The following EYA2 variants were observed in gnomAD, a reference collection of about 807,000 sequenced individuals.
EYA2 encodes protein phosphatase EYA2.
EYA2 carries 31 observed loss-of-function variants against 69.2 expected under a neutral mutation model. That is an observed-to-expected ratio of 0.45 (90% CI 0.34 to 0.60). The LOEUF (loss-of-function observed/expected upper bound fraction) is 0.60, where lower values mean the gene tolerates loss of function less well. Among genes scored for constraint, EYA2 ranks in the 20% least tolerant of loss-of-function variants. The probability of loss-of-function intolerance (pLI) is 0.02; values close to 1 mark genes in which losing one functional copy is unlikely to be tolerated. For missense variants in EYA2, 622 were observed against 701.2 expected, an observed-to-expected ratio of 0.89 and a Z score of 1.28; for synonymous variants, 257 against 279.4, an observed-to-expected ratio of 0.92 and a Z score of 0.80.
At chr20:47,122,534 G>A (rs2033081678) in intron 9 of EYA2, among the ~76,000 whole-genome samples, 2 of 151,776 alleles carry the variant, frequency 1.3e-5, no homozygotes, top group African/African-American at 2.4e-5. Flanking sequence ...TCCTGACCTC[G>A]TGATCCACCT....
chr20:46,929,828 T>TAA (rs543248056), intron 1 of EYA2, among the ~76,000 whole-genome samples: 4 of 145,646 alleles, frequency 2.7e-5, no homozygotes, highest in African/African-American at 7.5e-5. Context: ...CACTGTCTCT[T>TAA]AAAAAAAAAA....
chr20:47,142,527 G>T (rs2033618114), intron 9 of EYA2, among the ~76,000 whole-genome samples: 1 of 152,206 alleles, frequency 6.6e-6, no homozygotes, highest in South Asian at 2.1e-4. Context: ...TTGTGTTTGT[G>T]TGTTTTTATC....
chr20:47,078,314 CACGT>C (rs2031588075), intron 7 of EYA2, among the ~76,000 whole-genome samples: 1 of 123,312 alleles, frequency 8.1e-6, no homozygotes, highest in South Asian at 2.8e-4. Flanking sequence ...TGCACATGTG[CACGT>C]GCGCGCGCGC....
intron 9 of EYA2, among the ~76,000 whole-genome samples, chr20:47,135,487 A>G (rs1039044034): frequency 6.6e-6 from 1 of 151,652 alleles, no homozygotes; most frequent in Admixed American, 6.6e-5. Context: ...AATTATTATT[A>G]TTATTATTAT....
chr20:47,072,373 C>T, intron 6 of EYA2, 121 bp downstream of exon 6: 1 of 974,204 alleles, frequency 1.0e-6, no homozygotes, highest in South Asian at 1.4e-5. Context: ...CTCTTAGTCC[C>T]TGGGTTTGGA....
At chr20:46,938,187 A>G (rs1192122091) in intron 1 of EYA2, among the ~76,000 whole-genome samples, 2 of 152,230 alleles carry the variant, frequency 1.3e-5, no homozygotes, top group South Asian at 2.1e-4. Flanking sequence ...AAAATGTACC[A>G]GTATGGCACA....
chr20:46,943,212 G>C (rs1482655353), intron 1 of EYA2, among the ~76,000 whole-genome samples: 9 of 152,148 alleles, frequency 5.9e-5, no homozygotes, highest in Non-Finnish European at 8.8e-5. Flanking sequence ...TAGAGGTCAG[G>C]GTTGCTGCCA....
chr20:47,094,905 T>A (rs889617219), intron 8 of EYA2, among the ~76,000 whole-genome samples: 1 of 152,092 alleles, frequency 6.6e-6, no homozygotes, highest in Admixed American at 6.6e-5. Context: ...TGGTGCCACA[T>A]GCCTGTAGTC....
At chr20:47,023,655 GA>G (rs1983904302) in intron 5 of EYA2, among the ~76,000 whole-genome samples, 1 of 24,418 alleles carries the variant, frequency 4.1e-5, no homozygotes, top group Admixed American at 3.7e-4. Flanking sequence ...TTTTTTTTTT[GA>G]AGACAGAGCC....
chr20:46,914,730 G>C (rs1468752721), intron 1 of EYA2, among the ~76,000 whole-genome samples: 1 of 152,178 alleles, frequency 6.6e-6, no homozygotes, highest in Non-Finnish European at 1.5e-5. Flanking sequence ...TTCAAGATGA[G>C]ATTTGGGTGG....
chr20:47,047,258 G>A (rs1294504887), intron 5 of EYA2, among the ~76,000 whole-genome samples: 1 of 152,160 alleles, frequency 6.6e-6, no homozygotes, highest in East Asian at 1.9e-4. Flanking sequence ...TGAGTGCGTG[G>A]ATGATCTGAG....
At chr20:46,957,215 T>C (rs1979177505) in intron 1 of EYA2, among the ~76,000 whole-genome samples, 1 of 152,228 alleles carries the variant, frequency 6.6e-6, no homozygotes, top group Admixed American at 6.5e-5. Context: ...TCTGGTCAGC[T>C]CTTTACCCCT....
chr20:47,080,191 T>A (rs2031660921), intron 7 of EYA2, among the ~76,000 whole-genome samples: 1 of 152,118 alleles, frequency 6.6e-6, no homozygotes, highest in South Asian at 2.1e-4. Flanking sequence ...GAAAGATTTT[T>A]GGGAAGTTCC....
chr20:46,923,266 G>A (rs921573208), intron 1 of EYA2, among the ~76,000 whole-genome samples: 1 of 152,192 alleles, frequency 6.6e-6, no homozygotes, highest in African/African-American at 2.4e-5. Context: ...CTCAGAGGCT[G>A]AGACATGAGA....
chr20:47,114,976 A>T (rs71351659), intron 9 of EYA2, among the ~76,000 whole-genome samples: 1 of 152,220 alleles, frequency 6.6e-6, no homozygotes, highest in East Asian at 1.9e-4. Flanking sequence ...TGCTGTGCTT[A>T]TACAGCCTGC....
chr20:47,074,744 TCTAG>T (rs1478265651), intron 7 of EYA2, among the ~76,000 whole-genome samples: 2 of 152,158 alleles, frequency 1.3e-5, no homozygotes, highest in Admixed American at 6.6e-5. Flanking sequence ...CAATTCCACA[TCTAG>T]CTAGCTTACC....
At chr20:47,039,442 T>C (rs1984914234) in intron 5 of EYA2, among the ~76,000 whole-genome samples, 1 of 152,212 alleles carries the variant, frequency 6.6e-6, no homozygotes, top group Admixed American at 6.5e-5. Context: ...AACTGGGTCA[T>C]TGCAACCAGA....
intron 10 of EYA2, chr20:47,161,281 G>A (rs1026018711): frequency 2.4e-5 from 13 of 536,598 alleles, no homozygotes; most frequent in African/African-American, 3.8e-5. Context: ...CGCGGATGGC[G>A]TGGCCACCTC....
At chr20:47,039,834 A>G (rs1490071432) in intron 5 of EYA2, among the ~76,000 whole-genome samples, 22 of 34,738 alleles carry the variant, frequency 6.3e-4, no homozygotes, top group Admixed American at 2.6e-3. Flanking sequence ...AAGATCAAAT[A>G]CTTTTTTTTT....
Sources: gnomAD v4.1 joint callset for allele counts (sites outside exome capture counted in the v4.1 genomes callset) on GRCh38, gnomAD v4.1.1 for gene constraint, MANE v1.5 for transcripts, NCBI Gene and HGNC (gene_info 2026-07-23, HGNC 2026-07-21) for gene names.